The following PHF21A variants were observed in gnomAD, a reference collection of about 807,000 sequenced individuals.
The protein encoded by PHF21A is BHC80a.
In PHF21A, 11 loss-of-function variants were observed where a neutral mutation model predicts 82.5. That is an observed-to-expected ratio of 0.13 (90% CI 0.08 to 0.22). The LOEUF (loss-of-function observed/expected upper bound fraction) is 0.22. Among genes scored for constraint, PHF21A ranks in the 10% least tolerant of loss-of-function variants. The pLI, the probability that PHF21A is intolerant of heterozygous loss-of-function variation, is 1.00. For synonymous variants in PHF21A, 297 were observed against 302.8 expected (o/e 0.98, Z 0.20); for missense variants, 579 against 837.8 (o/e 0.69, Z 3.81).
chr11:46,034,685 C>T (rs2095952607), intron 6 of PHF21A, among the ~76,000 whole-genome samples: 1 of 152,162 alleles, frequency 6.6e-6, no homozygotes, highest in South Asian at 2.1e-4. Context: ...GCCTCCTTTC[C>T]TGGGGAGGCT....
chr11:46,101,830 T>C (rs1326957503), intron 1 of PHF21A, among the ~76,000 whole-genome samples: 2 of 149,728 alleles, frequency 1.3e-5, no homozygotes, highest in Non-Finnish European at 3.0e-5. Context: ...GAAACAGGGT[T>C]TCACCATGTT....
intron 6 of PHF21A, among the ~76,000 whole-genome samples, chr11:46,066,684 G>A (rs2096598091): frequency 3.9e-5 from 6 of 152,108 alleles, no homozygotes; most frequent in Non-Finnish European, 8.8e-5. Flanking sequence ...GGGCGACAGA[G>A]CAAGACCTTG....
intron 6 of PHF21A, among the ~76,000 whole-genome samples, chr11:46,008,342 T>C (rs969835987): frequency 6.6e-6 from 1 of 152,200 alleles, no homozygotes; most frequent in East Asian, 1.9e-4. Context: ...CTGTGAAGCA[T>C]ATCCGGGACA....
chr11:45,954,868 A>C (rs1276225339), intron 10 of PHF21A, among the ~76,000 whole-genome samples: 1 of 152,260 alleles, frequency 6.6e-6, no homozygotes, highest in Non-Finnish European at 1.5e-5. Context: ...TTGGTCCTAC[A>C]AACAAGACAT....
At chr11:46,046,739 C>T (rs1031557372) in intron 6 of PHF21A, among the ~76,000 whole-genome samples, 8 of 152,074 alleles carry the variant, frequency 5.3e-5, no homozygotes, top group African/African-American at 1.9e-4. Context: ...GAGCTTTCTA[C>T]ATGTAAACAC....
rs577475483 is a variant in PHF21A, at chr11:46,047,973, T to C, written c.153+28781A>G. 4.9e-4 allele frequency among the ~76,000 whole-genome samples: 74 copies of C among 152,360 alleles called. 1 individual carries two copies. Among genetic ancestry groups the C allele is most frequent in the African/African-American group, 1.7e-3 (71 of 41,582 alleles). On this transcript the variant is annotated intron_variant, in intron 6 of 18. Coordinates refer to ENST00000676320, the MANE Select transcript of PHF21A (RefSeq NM_001352027.3). ...ACCAAATGAAATATGTAATACTTTT[T>C]TAAACAGATTTATTGAGATACAATT...
At position 46,084,200 on chromosome 11, in the gene PHF21A, T is replaced by C; in HGVS notation, c.20A>G (p.Gln7Arg). 2 of 1,602,302 alleles carry C rather than the reference T, an allele frequency of 1.2e-6. No individual in the cohort carries two copies. Among genetic ancestry groups the C allele is most frequent in the Non-Finnish European group, 1.7e-6 (2 of 1,176,470 alleles). The change falls in exon 4 of 19, where the codon CAG (glutamine) becomes CGG (arginine). Residue 7 changes from glutamine (Q) to arginine (R), a missense_variant. Physicochemically the swap from Gln to Arg is conservative, Grantham distance 43. This residue lies in a region of PHF21A where 12 missense variants were observed against 46.4 expected (regional missense o/e 0.26). Transcript: ENST00000676320. Reference sequence around the variant, plus strand: ...CTGAATTTCCACTTTAAGAGCCTCCTGTAGAGTCTGCAACTCCATCCTCTA... The same window carrying C: ...CTGAATTTCCACTTTAAGAGCCTCCCGTAGAGTCTGCAACTCCATCCTCTA... MELQTLQEALKVEIQVH... is the reference protein window; with the variant it reads MELQTLREALKVEIQVH...
Position 45,934,008 on chromosome 11 carries a change from C to T in PHF21A, c.2006G>A (p.Ser669Asn). 6.2e-7 allele frequency: 1 copy of T among 1,608,126 alleles called. No homozygotes were observed. Among genetic ancestry groups the T allele is most frequent in the Non-Finnish European group, 8.5e-7 (1 of 1,177,060 alleles). The change falls in exon 19 of 19, where the codon AGC becomes AAC. Residue 669 changes from serine (S) to asparagine (N), a missense_variant. Around this residue, in one of 3 missense-constraint regions of PHF21A, gnomAD observed 157 missense variants for 149.4 expected, o/e 1.05. Transcript: ENST00000676320. ...STPAPSPSSQ[S>N]CTANCNQGEE... ...CCCCTGGTTACAGTTCGCTGTGCAG[C>T]TCTGGGAGGAGGGGGAAGGGGCCGG...
rs190731345 is a variant in PHF21A, at chr11:46,088,526, T to C, written c.-84+1929A>G. Among the ~76,000 whole-genome samples the C allele has an allele frequency of 2.0e-5, 3 of 152,232 alleles. No homozygotes were observed. The East Asian group carries it at 5.8e-4, about 29-fold the overall frequency. Reference sequence around the variant, plus strand: ...TCAGCCATGGTATCTGGAAAGCACATTCACCATCCCAAAAAACAAAAAATG... The same window carrying C: ...TCAGCCATGGTATCTGGAAAGCACACTCACCATCCCAAAAAACAAAAAATG... On this transcript the variant is annotated intron_variant, in intron 3 of 18. Transcript: ENST00000676320.
At chr11:46,118,205 T>A (rs1281493211) in intron 1 of PHF21A, 1 of 152,124 alleles carries the variant, frequency 6.6e-6, no homozygotes, top group Non-Finnish European at 1.5e-5. Flanking sequence ...TTAGCCCAGG[T>A]AGGTGTCTTT....
intron 6 of PHF21A, among the ~76,000 whole-genome samples, chr11:46,076,216 C>T (rs377100266): frequency 1.3e-5 from 2 of 152,218 alleles, no homozygotes; most frequent in African/African-American, 2.4e-5. Flanking sequence ...TCTTCTCCTG[C>T]CCTATATAGA....
At chr11:46,111,032 G>A (rs1026689123) in intron 1 of PHF21A, among the ~76,000 whole-genome samples, 4 of 151,354 alleles carry the variant, frequency 2.6e-5, no homozygotes, top group African/African-American at 9.7e-5. Flanking sequence ...TGATCCACCC[G>A]CCTCAGCCTA....
intron 13 of PHF21A, 122 bp downstream of exon 13, chr11:45,949,280 C>G: frequency 1.2e-6 from 1 of 821,140 alleles, no homozygotes; most frequent in South Asian, 1.5e-5. Flanking sequence ...TCTACCACTT[C>G]ACAGAACTGG....
At chr11:46,022,921 T>C (rs974309332) in intron 6 of PHF21A, among the ~76,000 whole-genome samples, 2 of 152,116 alleles carry the variant, frequency 1.3e-5, no homozygotes, top group African/African-American at 4.8e-5. Flanking sequence ...TGGGTAATTT[T>C]TGTATTTTTA....
chr11:46,029,476 T>A (rs1394670609), intron 6 of PHF21A, among the ~76,000 whole-genome samples: 1 of 152,126 alleles, frequency 6.6e-6, no homozygotes, highest in Non-Finnish European at 1.5e-5. Flanking sequence ...TCACTTGAGA[T>A]CAGGAGTTCA....
chr11:45,938,708 A>T (rs950578036), intron 15 of PHF21A, among the ~76,000 whole-genome samples: 7 of 152,242 alleles, frequency 4.6e-5, no homozygotes, highest in African/African-American at 1.7e-4. Flanking sequence ...TACTGTAATA[A>T]AAGATGGGAA....
At chr11:46,054,395 G>A (rs2096418692) in intron 6 of PHF21A, among the ~76,000 whole-genome samples, 1 of 152,076 alleles carries the variant, frequency 6.6e-6, no homozygotes. Context: ...AATTGGCTTG[G>A]GGTTATCCAA....
intron 11 of PHF21A, among the ~76,000 whole-genome samples, chr11:45,951,286 A>G (rs1225196619): frequency 6.6e-6 from 1 of 152,232 alleles, no homozygotes; most frequent in Non-Finnish European, 1.5e-5. Context: ...TTTGATCTTT[A>G]AAAGTCCTGA....
intron 1 of PHF21A, among the ~76,000 whole-genome samples, chr11:46,098,361 A>T (rs1437243140): frequency 6.6e-6 from 1 of 152,206 alleles, no homozygotes; most frequent in Non-Finnish European, 1.5e-5. Context: ...ACACTAGCTA[A>T]TAAAAGACTT....
Sources: gnomAD v4.1 joint callset for allele counts (sites outside exome capture counted in the v4.1 genomes callset) on GRCh38, gnomAD v4.1.1 for gene constraint, gnomAD v4.1.1 regional missense constraint, MANE v1.5 for transcripts, NCBI Gene and HGNC (gene_info 2026-07-23, HGNC 2026-07-21) for gene names.